Variants in EPS8L2 observed in about 807,000 individuals in gnomAD.
EPS8L2 encodes the protein epidermal growth factor receptor kinase substrate 8-like protein 2.
Under a neutral mutation model 99.4 loss-of-function variants are expected in EPS8L2, and 81 were observed. That is an observed-to-expected ratio of 0.82 (90% confidence interval 0.68 to 0.98). EPS8L2 has a LOEUF of 0.98. Among genes scored for constraint, EPS8L2 ranks in the 50% least tolerant of loss-of-function variants. EPS8L2 has a pLI of 0.00. For missense variants in EPS8L2, 1,155 were observed against 968.8 expected, an observed-to-expected ratio of 1.19 and a Z score of -2.55; for synonymous variants, 509 against 407.3, an observed-to-expected ratio of 1.25 and a Z score of -3.01.
chr11:720,312 C>T (rs1372032877), intron 5 of EPS8L2, 89 bp downstream of exon 5: 23 of 1,396,480 alleles, frequency 1.6e-5, no homozygotes, highest in Non-Finnish European at 2.0e-5. Flanking sequence ...GGCCGGTCCT[C>T]TCTGCAGGGC....
chr11:722,669 C>G lies in EPS8L2; in HGVS notation c.1209-4C>G. ...AGGGCTGACTTCAGGACCTCTCACC[C>G]CAGTTCCGAGTGGCCGCGGGAGCCA... On this transcript the variant is annotated splice_region_variant and splice_polypyrimidine_tract_variant and intron_variant, in intron 13 of 20. Transcript: ENST00000318562. 1 of 1,607,822 alleles carries G rather than the reference C, an allele frequency of 6.2e-7. No homozygotes were observed. Among genetic ancestry groups the G allele is most frequent in the African/African-American group, 1.3e-5 (1 of 74,850 alleles).
intron 4 of EPS8L2, 101 bp from the exon 5 acceptor site, chr11:719,961 G>A (rs1429357409): frequency 2.5e-6 from 3 of 1,217,082 alleles, no homozygotes; most frequent in Admixed American, 5.3e-5. Flanking sequence ...CCTACCCAGG[G>A]TTGGCTGTGG....
intron 3 of EPS8L2, chr11:710,104 C>G (rs576865530): frequency 2.6e-6 from 1 of 389,442 alleles, no homozygotes; most frequent in East Asian, 5.3e-5. Context: ...GGGAAGAAGC[C>G]GGGCTGGGAC....
chr11:727,239 C>G lies in EPS8L2; in HGVS notation c.*258C>G. The G allele has an allele frequency of 2.8e-6, 1 of 361,594 alleles. No individual in the cohort carries two copies. The highest frequency in any genetic ancestry group is 5.0e-6 in the Non-Finnish European group (1 of 198,924). The allele number at this position is 361,594 out of a possible 1,614,324, so 22.4% of individuals were successfully genotyped here. ...GCCCCTTGTCCACCTTCTCTTGAGG[C>G]CACAGAACTCCCTGGGGCTGGGGCC... On this transcript the variant is annotated 3_prime_UTR_variant, in exon 21 of 21. Transcript: ENST00000318562.
Position 720,064 on chromosome 11 carries a change from C to T in EPS8L2, c.168C>T (p.His56=). Residue 56 remains histidine, a splice_region_variant and synonymous_variant, in exon 5 of 21, where the codon CAC becomes CAT. Coordinates refer to ENST00000318562, the MANE Select transcript of EPS8L2 (RefSeq NM_022772.4). The part of the protein sequence containing the change: ...MHETSQYHVQ[H]LATFIMDKSE... ...AGTGACCACCTGCCCACCCCCAGCA[C>T]CTGGCCACATTCATCATGGACAAGA... 6.2e-7 allele frequency: 1 copy of T among 1,611,814 alleles called. No homozygotes were observed.
intron 4 of EPS8L2, among the ~76,000 whole-genome samples, chr11:712,443 G>A (rs559238398): frequency 6.0e-5 from 9 of 149,534 alleles, no homozygotes; most frequent in South Asian, 2.2e-4. Flanking sequence ...CTGGGCTCCC[G>A]GTTGTCGTCC....
intron 4 of EPS8L2, among the ~76,000 whole-genome samples, chr11:711,461 T>C (rs987042316): frequency 6.6e-6 from 1 of 152,050 alleles, no homozygotes; most frequent in Non-Finnish European, 1.5e-5. Flanking sequence ...TCCCCTCACC[T>C]CAGCCTCCCC....
rs767207034 is a variant in EPS8L2, at chr11:720,115, C to T, written c.219C>T (p.Asp73=). The change falls in exon 5 of 21, where the codon GAC becomes GAT. Residue 73 remains aspartate (D), a synonymous_variant. Coordinates refer to ENST00000318562, the MANE Select transcript of EPS8L2 (RefSeq NM_022772.4). Reference sequence around the variant, plus strand: ...GCGAAGCCATCACGTCTGTGGACGACGCCATCCGGAAGCTGGTGCAGCTGA... The same window carrying T: ...GCGAAGCCATCACGTCTGTGGACGATGCCATCCGGAAGCTGGTGCAGCTGA... The part of the protein sequence containing the change: ...DKSEAITSVD[D]AIRKLVQLSS... The T allele has an allele frequency of 6.2e-6, 10 of 1,613,238 alleles. No homozygotes were observed. The highest frequency in any genetic ancestry group is 3.3e-5 in the South Asian group (3 of 91,086).
At position 722,797 on chromosome 11, in the gene EPS8L2, A is replaced by G. The variant is rs1411579027; in HGVS notation, c.1333A>G (p.Ile445Val). The change falls in exon 14 of 21, where the codon ATC becomes GTC. Residue 445 changes from isoleucine to valine, a missense_variant. Coordinates refer to ENST00000318562, the MANE Select transcript of EPS8L2 (RefSeq NM_022772.4). ...WEVEGLASAP[I>V]EEVSPVSRQS... Reference sequence around the variant, plus strand: ...GGTGGAGGGGCTGGCGTCTGCCCCCATCGAGGAGGTGAGAGCACCAGCAGC... The same window carrying G: ...GGTGGAGGGGCTGGCGTCTGCCCCCGTCGAGGAGGTGAGAGCACCAGCAGC... The G allele has an allele frequency of 1.3e-6, 2 of 1,575,272 alleles. No individual in the cohort carries two copies. Among genetic ancestry groups the G allele is most frequent in the South Asian group, 1.2e-5 (1 of 86,808 alleles).
chr11:720,786 C>A, intron 6 of EPS8L2, 40 bp downstream of exon 6: 1 of 1,540,834 alleles, frequency 6.5e-7, no homozygotes, highest in Non-Finnish European at 8.7e-7. Context: ...GGCCCCGCCG[C>A]GCCGCGCCCC....
At chr11:715,196 T>G (rs531762876) in intron 4 of EPS8L2, among the ~76,000 whole-genome samples, 11 of 151,592 alleles carry the variant, frequency 7.3e-5, no homozygotes, top group East Asian at 3.9e-4. Context: ...AAGCTGAGAT[T>G]GCGCCACTGC....
In EPS8L2 at chr11:721,048, C is replaced by T. The variant is rs985393836; in HGVS notation, c.558-16C>T. ...GCGTTCCCGGCGGGGCTGAGCAGGACCCCCTCGCCCTCCAGGGGACACCAG... is the reference window on the plus strand; with the variant it reads ...GCGTTCCCGGCGGGGCTGAGCAGGATCCCCTCGCCCTCCAGGGGACACCAG... On this transcript the variant is annotated splice_polypyrimidine_tract_variant and intron_variant, in intron 7 of 20. Transcript: ENST00000318562. The T allele has an allele frequency of 1.6e-5, 22 of 1,350,342 alleles. No homozygotes were observed. Among genetic ancestry groups the T allele is most frequent in the Non-Finnish European group, 1.8e-5 (19 of 1,036,174 alleles). The allele number at this position is 1,350,342 out of a possible 1,614,324, so 83.6% of individuals were successfully genotyped here. A position where few individuals can be genotyped will look rare whatever the true frequency, so the allele number is the denominator to read the frequency against.
chr11:721,542 C>T (rs754336665), intron 9 of EPS8L2, 23 bp from the exon 10 acceptor site: 4 of 1,531,292 alleles, frequency 2.6e-6, no homozygotes, highest in Admixed American at 4.4e-5. Context: ...CAGGGGCTGA[C>T]CCCTGACCCC....
intron 4 of EPS8L2, among the ~76,000 whole-genome samples, chr11:715,783 G>T (rs1862009063): frequency 6.6e-6 from 1 of 150,838 alleles, no homozygotes; most frequent in Admixed American, 6.6e-5. Flanking sequence ...ACCACGCCCA[G>T]CTAATTTTTT....
chr11:722,240 G>C (rs1221820909), intron 12 of EPS8L2, 75 bp downstream of exon 12: 1 of 1,565,632 alleles, frequency 6.4e-7, no homozygotes, highest in African/African-American at 1.4e-5. Context: ...CGGGGTCGGG[G>C]TTGGGGCAGC....
chr11:713,033 C>T (rs1380041986), intron 4 of EPS8L2, among the ~76,000 whole-genome samples: 2 of 152,272 alleles, frequency 1.3e-5, no homozygotes, highest in African/African-American at 4.8e-5. Context: ...CCTCGTCTGC[C>T]CAGAGGCCAA....
chr11:721,018 C>CGGCAGGGAGGG, intron 7 of EPS8L2, 46 bp from the exon 8 acceptor site: 1 of 1,043,612 alleles, frequency 9.6e-7, no homozygotes, highest in South Asian at 1.9e-5. Context: ...GAGGGAGGGT[C>CGGCAGGGAGGG]AGGTGCGTTC....
At chr11:710,220 T>C (rs1318067563) in intron 3 of EPS8L2, 2 of 577,558 alleles carry the variant, frequency 3.5e-6, no homozygotes, top group Non-Finnish European at 6.2e-6. Context: ...GCTGCGTCCT[T>C]CTCCAAGGGG....
At chr11:721,868 G>GGCCA (rs1490796381) in intron 10 of EPS8L2, 35 bp from the exon 11 acceptor site, 1 of 1,563,178 alleles carries the variant, frequency 6.4e-7, no homozygotes, top group African/African-American at 1.4e-5. Flanking sequence ...GGGAGATCAG[G>GGCCA]GCCAGCCTGG....
Sources: allele counts gnomAD v4.1 joint callset (sites outside exome capture counted in the v4.1 genomes callset), GRCh38; gene constraint gnomAD v4.1.1; transcripts MANE v1.5; gene names NCBI Gene and HGNC (gene_info 2026-07-23, HGNC 2026-07-21).